Variants in LIMK2 observed in about 807,000 individuals in gnomAD.
LIMK2 encodes the protein LIM domain kinase 2.
Under a neutral mutation model 75.7 loss-of-function variants are expected in LIMK2, and 35 were observed. The observed-to-expected ratio is 0.46, with a 90% CI of 0.35 to 0.61. The LOEUF (loss-of-function observed/expected upper bound fraction) is 0.61, where lower values mean the gene tolerates loss of function less well. Ranked by LOEUF, LIMK2 falls within the 20% of genes least tolerant of loss-of-function variation. The probability of loss-of-function intolerance (pLI) is 0.00; values close to 1 mark genes in which losing one functional copy is unlikely to be tolerated. For synonymous variants in LIMK2, 301 were observed against 319.2 expected (o/e 0.94, Z 0.61); for missense variants, 623 against 831.0 (o/e 0.75, Z 3.08).
At position 31,269,141 on chromosome 22, in the gene LIMK2, T is replaced by C. The variant is rs2048928612; in HGVS notation, c.1317+941T>C. Among the ~76,000 whole-genome samples, 4 of 152,226 alleles carry C rather than the reference T, an allele frequency of 2.6e-5. No homozygotes were observed. The Middle Eastern group carries it at 0.01, about 388-fold the overall frequency. On this transcript the variant is annotated intron_variant, in intron 11 of 15. Transcript: ENST00000331728. ...GTTGTTTTGAGAAAGGATATTGCTC[T>C]GTTGCCCAGACTGGAGTGCAGTGGC...
intron 12 of LIMK2, 54 bp from the exon 13 acceptor site, chr22:31,272,476 G>A (rs1238822912): frequency 4.0e-6 from 6 of 1,518,890 alleles, no homozygotes; most frequent in Non-Finnish European, 5.3e-6. Context: ...TCCTCCCCAG[G>A]GCCAGGTTTG....
At chr22:31,219,753 T>TA (rs2048418362) in intron 1 of LIMK2, among the ~76,000 whole-genome samples, 1 of 152,050 alleles carries the variant, frequency 6.6e-6, no homozygotes, top group South Asian at 2.1e-4. Context: ...TTGTATTTTT[T>TA]AGTAGAGATA....
intron 7 of LIMK2, among the ~76,000 whole-genome samples, chr22:31,265,098 G>T (rs1424526762): frequency 6.6e-6 from 1 of 151,062 alleles, no homozygotes; most frequent in Non-Finnish European, 1.5e-5. Context: ...GGAGGCTGAG[G>T]CAGGAGAATC....
intron 2 of LIMK2, among the ~76,000 whole-genome samples, chr22:31,237,956 A>G (rs1232080994): frequency 6.8e-6 from 1 of 146,920 alleles, no homozygotes; most frequent in East Asian, 2.0e-4. Flanking sequence ...AAAAAAAAAA[A>G]GTACAAAAAT....
At position 31,279,443 on chromosome 22, in the gene LIMK2, G is replaced by A. The variant is rs1415408376; in HGVS notation, c.*1002G>A. On this transcript the variant is annotated 3_prime_UTR_variant, in exon 16 of 16. Transcript: ENST00000331728. ...CCACTGCTCACCCTTCAACATGCCT[G>A]GTTTAGGCAGCAGCTTGGGCTGGGA... 1 of 152,280 alleles carries A rather than the reference G, an allele frequency of 6.6e-6. No individual in the cohort carries two copies. The highest frequency in any genetic ancestry group is 2.4e-5 in the African/African-American group (1 of 41,446). 9.4% of individuals were successfully genotyped at this position (152,280 alleles called of 1,614,324 possible). A position where few individuals can be genotyped will look rare whatever the true frequency, so the allele number is the denominator to read the frequency against.
intron 2 of LIMK2, among the ~76,000 whole-genome samples, chr22:31,253,828 T>C (rs889966901): frequency 2.0e-5 from 3 of 152,238 alleles, no homozygotes; most frequent in Non-Finnish European, 4.4e-5. Flanking sequence ...AGGTACCTCA[T>C]ATAGGACCTG....
chr22:31,214,684 A>G (rs941531590), intron 1 of LIMK2, among the ~76,000 whole-genome samples: 1 of 152,170 alleles, frequency 6.6e-6, no homozygotes, highest in South Asian at 2.1e-4. Flanking sequence ...GCCTGGCAAA[A>G]AAAGCTCACA....
intron 15 of LIMK2, chr22:31,277,622 A>T (rs545031870): frequency 5.5e-5 from 46 of 834,320 alleles, no homozygotes; most frequent in Non-Finnish European, 6.2e-5. Context: ...TTTATTAAAA[A>T]ATATATATAT....
chr22:31,248,499 C>T (rs1450588121), intron 2 of LIMK2: 1 of 1,544,408 alleles, frequency 6.5e-7, no homozygotes, highest in South Asian at 1.1e-5. Flanking sequence ...GAGGAGCCAT[C>T]CCAGCCATGA....
chr22:31,238,825 T>C (rs2048601339), intron 2 of LIMK2, among the ~76,000 whole-genome samples: 1 of 152,218 alleles, frequency 6.6e-6, no homozygotes, highest in Admixed American at 6.5e-5. Context: ...TTTTCAGGTG[T>C]TCCCTGCCAG....
chr22:31,234,326 T>TAAA (rs1381969510), intron 2 of LIMK2, among the ~76,000 whole-genome samples: 1 of 127,898 alleles, frequency 7.8e-6, no homozygotes, highest in Non-Finnish European at 1.7e-5. Context: ...GGAGTGATCT[T>TAAA]AAAAAAAAAA....
intron 5 of LIMK2, 39 bp downstream of exon 5, chr22:31,260,116 CAG>C: frequency 6.7e-7 from 1 of 1,496,452 alleles, no homozygotes; most frequent in Non-Finnish European, 8.9e-7. Context: ...GGTTCTTGAG[CAG>C]AGTCTGTAAA....
At chr22:31,237,308 A>G (rs1176534640) in intron 2 of LIMK2, among the ~76,000 whole-genome samples, 2 of 151,708 alleles carry the variant, frequency 1.3e-5, no homozygotes, top group African/African-American at 4.8e-5. Context: ...TCGCGCCTGT[A>G]ATCCCAGCAC....
At chr22:31,264,014 T>TA (rs2048867136) in intron 7 of LIMK2, among the ~76,000 whole-genome samples, 3 of 152,298 alleles carry the variant, frequency 2.0e-5, no homozygotes, top group South Asian at 4.2e-4. Flanking sequence ...TGTTTTTTTT[T>TA]ATCCACTCTC....
At position 31,233,786 on chromosome 22, in the gene LIMK2, C is replaced by G. The variant is rs189950581; in HGVS notation, c.116+7967C>G. ...TCCACCCAGTGCCTAAGCCAGAAAC[C>G]TAGGAATCCTTGATACCTGTTCTCT... On this transcript the variant is annotated intron_variant, in intron 2 of 15. Coordinates refer to ENST00000331728, the MANE Select transcript of LIMK2 (RefSeq NM_005569.4). Among the ~76,000 whole-genome samples, 8 of 152,276 alleles carry G rather than the reference C, an allele frequency of 5.3e-5. No individual in the cohort carries two copies. The East Asian group carries it at 1.3e-3, about 26-fold the overall frequency.
intron 2 of LIMK2, among the ~76,000 whole-genome samples, chr22:31,240,569 G>A (rs760515623): frequency 1.4e-4 from 21 of 151,866 alleles, no homozygotes; most frequent in Non-Finnish European, 2.4e-4. Context: ...TACTACAGGC[G>A]CACACCCCCA....
intron 2 of LIMK2, among the ~76,000 whole-genome samples, chr22:31,255,426 A>G (rs1236012412): frequency 6.6e-6 from 1 of 152,272 alleles, no homozygotes; most frequent in East Asian, 1.9e-4. Flanking sequence ...CCCCTTCCAT[A>G]AGACAAGTAG....
chr22:31,240,427 CTTT>C (rs58947836), intron 2 of LIMK2, among the ~76,000 whole-genome samples: 1 of 140,558 alleles, frequency 7.1e-6, no homozygotes. Flanking sequence ...TCTAGAATCA[CTTT>C]TTTTTTTTTT....
chr22:31,274,763 A>G (rs1316497830), intron 14 of LIMK2, among the ~76,000 whole-genome samples: 1 of 152,224 alleles, frequency 6.6e-6, no homozygotes, highest in Non-Finnish European at 1.5e-5. Flanking sequence ...CTCTGTTCAG[A>G]GCACTGGGCT....
Sources: allele counts gnomAD v4.1 joint callset (sites outside exome capture counted in the v4.1 genomes callset), GRCh38; gene constraint gnomAD v4.1.1; transcripts MANE v1.5; gene names NCBI Gene and HGNC (gene_info 2026-07-23, HGNC 2026-07-21).